The following HPR variants were observed in gnomAD, a reference collection of about 807,000 sequenced individuals.
HPR encodes haptoglobin-related protein.
Under a neutral mutation model 18.5 loss-of-function variants are expected in HPR, and 17 were observed. The observed-to-expected ratio is 0.92, with a 90% CI of 0.63 to 1.38. HPR has a LOEUF of 1.38. HPR is among the 40% of genes most tolerant of loss of function. The pLI is 0.00. For synonymous variants in HPR, 176 were observed against 165.0 expected, an observed-to-expected ratio of 1.07 and a Z score of -0.51; for missense variants, 457 against 432.4, an observed-to-expected ratio of 1.06 and a Z score of -0.51.
intron 3 of HPR, 96 bp from the exon 4 acceptor site, chr16:72,075,049 T>G: frequency 2.2e-6 from 2 of 902,878 alleles, no homozygotes; most frequent in South Asian, 2.8e-5. Flanking sequence ...TCCTTTCTTC[T>G]TCTTCTTTTT....
At position 72,063,326 on chromosome 16, in the gene HPR, T is replaced by A. The variant is rs12918905; in HGVS notation, c.5+66T>A. Reference sequence around the variant, plus strand: ...TTATTTCAGTCTTTTTTGCATACATTGGTACAGATGCAGAAATAGAACAAA... The same window carrying A: ...TTATTTCAGTCTTTTTTGCATACATAGGTACAGATGCAGAAATAGAACAAA... On this transcript the variant is annotated intron_variant, in intron 1 of 4. Coordinates refer to ENST00000540303, the MANE Select transcript of HPR (RefSeq NM_020995.4). 3.9e-6 allele frequency: 5 copies of A among 1,294,426 alleles called. 1 individual carries two copies. Among genetic ancestry groups the A allele is most frequent in the South Asian group, 2.8e-5 (2 of 71,958 alleles). 80.2% of individuals were successfully genotyped at this position (1,294,426 alleles called of 1,614,324 possible).
At chr16:72,073,097 C>T (rs2041674819) in intron 1 of HPR, among the ~76,000 whole-genome samples, 2 of 152,190 alleles carry the variant, frequency 1.3e-5, no homozygotes, top group East Asian at 1.9e-4. Context: ...TTCCTGCCTT[C>T]CCAGCAGTGT....
At chr16:72,072,933 T>C (rs1031502515) in intron 1 of HPR, among the ~76,000 whole-genome samples, 1 of 152,202 alleles carries the variant, frequency 6.6e-6, no homozygotes, top group Non-Finnish European at 1.5e-5. Flanking sequence ...TGCTCCCTGC[T>C]TTCAAGGCCA....
chr16:72,064,580 A>G (rs187125590), intron 1 of HPR, among the ~76,000 whole-genome samples: 431 of 152,312 alleles, frequency 2.8e-3, no homozygotes, highest in Non-Finnish European at 3.3e-3. Context: ...ACTCCAGCCA[A>G]TGGAGTCAGG....
intron 1 of HPR, among the ~76,000 whole-genome samples, chr16:72,070,131 T>C (rs547826591): frequency 1.5e-4 from 23 of 152,312 alleles, no homozygotes; most frequent in African/African-American, 4.8e-4. Context: ...TCTAGAAACT[T>C]GATTGCCATG....
At position 72,071,545 on chromosome 16, in the gene HPR, G is replaced by A. The variant is rs117620491; in HGVS notation, c.6-2347G>A. Among the ~76,000 whole-genome samples, 1,489 of 152,220 alleles carry A rather than the reference G, an allele frequency of 9.8e-3. 14 individuals are homozygous for A. Among genetic ancestry groups the A allele is most frequent in the Middle Eastern group, 0.034 (10 of 294 alleles). ...CAGCCCCCGAGGGCCATCAGCTTCC[G>A]TTTCCCAATGCCAATTTTACTTTGT... On this transcript the variant is annotated intron_variant, in intron 1 of 4. Transcript: ENST00000540303.
At chr16:72,075,967 A>T (rs1355073155) in intron 4 of HPR, among the ~76,000 whole-genome samples, 1 of 151,820 alleles carries the variant, frequency 6.6e-6, no homozygotes, top group East Asian at 2.0e-4. Context: ...GAGCCACCGC[A>T]TCTGGCCCCT....
chr16:72,068,481 C>T (rs1432965973), intron 1 of HPR, among the ~76,000 whole-genome samples: 1 of 152,174 alleles, frequency 6.6e-6, no homozygotes. Flanking sequence ...TGAGCATCTC[C>T]TGTGGACTTC....
chr16:72,074,603 T>A (rs1219488177), intron 3 of HPR: 6 of 717,924 alleles, frequency 8.4e-6, no homozygotes, highest in Admixed American at 2.0e-5. Context: ...GGGGAGGTGA[T>A]GCCATGCAGC....
intron 1 of HPR, among the ~76,000 whole-genome samples, chr16:72,065,663 G>A (rs896477064): frequency 6.6e-6 from 1 of 152,178 alleles, no homozygotes; most frequent in African/African-American, 2.4e-5. Flanking sequence ...TCGAATGAGG[G>A]TGTAATGAGT....
At chr16:72,072,074 T>A (rs1052677945) in intron 1 of HPR, among the ~76,000 whole-genome samples, 1 of 152,122 alleles carries the variant, frequency 6.6e-6, no homozygotes, top group Non-Finnish European at 1.5e-5. Context: ...AATGGCATGA[T>A]CTCGGCTCAC....
chr16:72,063,663 C>T (rs1390730361), intron 1 of HPR, among the ~76,000 whole-genome samples: 1 of 152,124 alleles, frequency 6.6e-6, no homozygotes, highest in East Asian at 1.9e-4. Flanking sequence ...GGGATACACA[C>T]TAGTACCTGG....
Position 72,076,742 on chromosome 16 carries a change from C to A in HPR, c.708C>A (p.Asp236Glu). 2 of 1,614,222 alleles carry A rather than the reference C, an allele frequency of 1.2e-6. No individual in the cohort carries two copies. Among genetic ancestry groups the A allele is most frequent in the Non-Finnish European group, 1.7e-6 (2 of 1,180,042 alleles). Residue 236 changes from aspartate to glutamate, a missense_variant, in exon 5 of 5, where the codon GAC becomes GAA. Asp to Glu is a conservative substitution (Grantham distance 45, BLOSUM62 2). Coordinates refer to ENST00000540303, the MANE Select transcript of HPR (RefSeq NM_020995.4). ...WGQSDNFKLT[D>E]HLKYVMLPVA... is the part of the protein sequence containing the mutation. ...AAAGTGACAACTTTAAACTTACTGA[C>A]CATCTGAAGTATGTCATGCTGCCTG...
intron 1 of HPR, among the ~76,000 whole-genome samples, chr16:72,068,699 C>T (rs1224518280): frequency 1.3e-5 from 2 of 152,120 alleles, no homozygotes; most frequent in African/African-American, 2.4e-5. Flanking sequence ...TGTGGATGGC[C>T]TCAGTGCATC....
intron 4 of HPR, among the ~76,000 whole-genome samples, chr16:72,075,821 TTTTC>T (rs1232078918): frequency 1.6e-3 from 237 of 151,864 alleles, no homozygotes; most frequent in Admixed American, 7.3e-3. Context: ...GCCCTTTCTT[TTTTC>T]TTTCTTTCTT....
chr16:72,075,007 T>C (rs1188698417), intron 3 of HPR, 138 bp from the exon 4 acceptor site: 5 of 1,331,022 alleles, frequency 3.8e-6, no homozygotes, highest in Non-Finnish European at 5.3e-6. Flanking sequence ...CTCCTTCTCG[T>C]ATTCTCTCTC....
chr16:72,070,711 T>C (rs2041645753), intron 1 of HPR, among the ~76,000 whole-genome samples: 2 of 152,200 alleles, frequency 1.3e-5, no homozygotes, highest in African/African-American at 4.8e-5. Context: ...TTGATGCTTG[T>C]TCAGTCATCC....
chr16:72,076,656 T>G lies in HPR; in HGVS notation c.622T>G (p.Cys208Gly). Residue 208 changes from cysteine to glycine, a missense_variant, in exon 5 of 5, where the codon TGC becomes GGC. Cys to Gly is a radical substitution (Grantham distance 159, BLOSUM62 -3). Transcript: ENST00000540303. ...TGTTAATGAGAGAGTGATGCCCATC[T>G]GCCTACCTTCAAAGAATTATGCAGA... ...VLVNERVMPI[C>G]LPSKNYAEVG... 1 of 1,614,246 alleles carries G rather than the reference T, an allele frequency of 6.2e-7. No homozygotes were observed. Among genetic ancestry groups the G allele is most frequent in the Non-Finnish European group, 8.5e-7 (1 of 1,180,050 alleles).
intron 1 of HPR, among the ~76,000 whole-genome samples, chr16:72,070,052 G>C (rs966627515): frequency 6.6e-6 from 1 of 152,140 alleles, no homozygotes; most frequent in Non-Finnish European, 1.5e-5. Flanking sequence ...ATATCCCTTG[G>C]CATCTCTCCT....
Sources: allele counts gnomAD v4.1 joint callset (sites outside exome capture counted in the v4.1 genomes callset), GRCh38; gene constraint gnomAD v4.1.1; transcripts MANE v1.5; gene names NCBI Gene and HGNC (gene_info 2026-07-23, HGNC 2026-07-21).